Variants in FAM76A observed in about 807,000 individuals in gnomAD.
The protein encoded by FAM76A is protein FAM76A.
Under a neutral mutation model 46.2 loss-of-function variants are expected in FAM76A, and 32 were observed. The ratio of observed to expected loss-of-function variants is 0.69; its 90% CI spans 0.52 to 0.93. The LOEUF is 0.93. FAM76A is among the 40% of genes least tolerant of loss of function. FAM76A has a pLI of 0.00. For synonymous variants in FAM76A, 137 were observed against 127.0 expected (o/e 1.08, Z -0.53); for missense variants, 274 against 361.5 (o/e 0.76, Z 1.96).
At chr1:27,760,212 T>C (rs1040145369) in intron 8 of FAM76A, 1 of 372,206 alleles carries the variant, frequency 2.7e-6, no homozygotes, top group Admixed American at 3.8e-5. Flanking sequence ...ATTCTGTTTA[T>C]CCAGCTCATG....
At chr1:27,759,767 TTTTTTTTTTTTG>T in intron 8 of FAM76A, 140 bp downstream of exon 8, 1 of 367,188 alleles carries the variant, frequency 2.7e-6, no homozygotes, top group African/African-American at 2.7e-5. Flanking sequence ...CCCTTTTAGG[TTTTTTTTTTTTG>T]TTTTTTTTTT....
intron 2 of FAM76A, among the ~76,000 whole-genome samples, chr1:27,732,070 C>T (rs942659849): frequency 6.6e-6 from 1 of 152,098 alleles, no homozygotes; most frequent in Admixed American, 6.5e-5. Flanking sequence ...GATCCACCTC[C>T]CTCAGCCTCC....
At chr1:27,759,906 C>G in intron 8 of FAM76A, 1 of 519,764 alleles carries the variant, frequency 1.9e-6, no homozygotes, top group Admixed American at 2.3e-5. Context: ...TAGCGAAGAC[C>G]ACAGCCATAT....
chr1:27,741,341 A>T (rs954147898), intron 4 of FAM76A, among the ~76,000 whole-genome samples: 6 of 151,586 alleles, frequency 4.0e-5, no homozygotes, highest in African/African-American at 1.5e-4. Flanking sequence ...ATGTGCCACC[A>T]CGCCCAGCTA....
chr1:27,726,448 G>A (rs1026385049), intron 1 of FAM76A, among the ~76,000 whole-genome samples: 2 of 152,132 alleles, frequency 1.3e-5, no homozygotes, highest in Non-Finnish European at 2.9e-5. Flanking sequence ...TGCCCTGACT[G>A]GTCGCCTTCG....
intron 6 of FAM76A, among the ~76,000 whole-genome samples, chr1:27,750,715 C>T (rs1451318842): frequency 1.3e-5 from 2 of 152,206 alleles, no homozygotes; most frequent in African/African-American, 4.8e-5. Flanking sequence ...TGCCACTATT[C>T]TTGCTGTCCA....
At position 27,755,277 on chromosome 1, in the gene FAM76A, C is replaced by T; in HGVS notation, c.682C>T (p.Leu228=). 6.2e-7 allele frequency: 1 copy of T among 1,614,148 alleles called. No homozygotes were observed. The highest frequency in any genetic ancestry group is 8.5e-7 in the Non-Finnish European group (1 of 1,180,036). The stretch of plus-strand genomic sequence containing the variant: ...CCAACTGAAGGAAGAAGTGGCTACC[C>T]TGAAGAAGATGTTGCATCAAAAGGA... ...IAQLKEEVAT[L]KKMLHQKDQM... The change falls in exon 7 of 9, where the codon CTG becomes TTG. Residue 228 remains leucine, a synonymous_variant. Transcript: ENST00000373954.
Position 27,760,511 on chromosome 1 carries a change from T to C in FAM76A, c.854T>C (p.Leu285Pro). ...TEQLQAKNRE[L>P]LKQAAALSKS... is the part of the protein sequence containing the mutation. ...TTTCTTTAGGCCAAAAACCGAGAGCTCCTGAAGCAGGCAGCTGCTTTGTCC... is the reference window on the plus strand; with the variant it reads ...TTTCTTTAGGCCAAAAACCGAGAGCCCCTGAAGCAGGCAGCTGCTTTGTCC... The change falls in exon 9 of 9, where the codon CTC becomes CCC. Residue 285 changes from leucine (L) to proline (P), a missense_variant. By Grantham distance (98) the Leu-to-Pro change is moderately conservative. Coordinates refer to ENST00000373954, the MANE Select transcript of FAM76A (RefSeq NM_152660.3). 1 of 1,611,494 alleles carries C rather than the reference T, an allele frequency of 6.2e-7. No individual in the cohort carries two copies. The highest frequency in any genetic ancestry group is 8.5e-7 in the Non-Finnish European group (1 of 1,178,480).
chr1:27,726,162 G>T lies in FAM76A; in HGVS notation c.81+1G>T. The T allele has an allele frequency of 1.6e-6, 2 of 1,283,358 alleles. No individual in the cohort carries two copies. Among genetic ancestry groups the T allele is most frequent in the Non-Finnish European group, 2.0e-6 (2 of 1,013,890 alleles). The allele number at this position is 1,283,358 out of a possible 1,614,324, so 79.5% of individuals were successfully genotyped here. ...GTCTCAGGGGCAGCAGCTGTGCAAGGTGCGCGGGCTGGGGCGGCGGCCGGG... is the reference window on the plus strand; with the variant it reads ...GTCTCAGGGGCAGCAGCTGTGCAAGTTGCGCGGGCTGGGGCGGCGGCCGGG... On this transcript the variant is annotated splice_donor_variant, in intron 1 of 8. Coordinates refer to ENST00000373954, the MANE Select transcript of FAM76A (RefSeq NM_152660.3). LOFTEE classifies it high-confidence loss of function.
At chr1:27,734,374 C>T (rs1310415338) in intron 4 of FAM76A, among the ~76,000 whole-genome samples, 191 bp downstream of exon 4, 3 of 151,874 alleles carry the variant, frequency 2.0e-5, no homozygotes, top group Non-Finnish European at 4.4e-5. Context: ...GGTGAAACCG[C>T]GTCTCTACTA....
At chr1:27,745,518 C>CG (rs1177473612) in intron 5 of FAM76A, among the ~76,000 whole-genome samples, 2 of 152,178 alleles carry the variant, frequency 1.3e-5, no homozygotes, top group African/African-American at 4.8e-5. Flanking sequence ...AGTATTCTCA[C>CG]GGGTCAGGGA....
At chr1:27,732,554 A>G (rs1414372372) in intron 2 of FAM76A, 49 bp from the exon 3 acceptor site, 1 of 1,552,794 alleles carries the variant, frequency 6.4e-7, no homozygotes, top group Non-Finnish European at 8.9e-7. Flanking sequence ...AGGAGGTATC[A>G]GTTTTCAGAT....
In FAM76A at chr1:27,744,646, T is replaced by G. The variant is rs756515578; in HGVS notation, c.355-8T>G. 1 of 1,613,694 alleles carries G rather than the reference T, an allele frequency of 6.2e-7. No individual in the cohort carries two copies. Reference sequence around the variant, plus strand: ...CCTCTTCTTTATCTTTGTCTCCTTGTCTTTCAGGTAGATGGGAAATTGCTG... The same window carrying G: ...CCTCTTCTTTATCTTTGTCTCCTTGGCTTTCAGGTAGATGGGAAATTGCTG... On this transcript the variant is annotated splice_polypyrimidine_tract_variant and splice_region_variant and intron_variant, in intron 4 of 8. Transcript: ENST00000373954.
intron 4 of FAM76A, among the ~76,000 whole-genome samples, chr1:27,735,957 A>G (rs546710857): frequency 1.3e-5 from 2 of 152,178 alleles, no homozygotes; most frequent in Non-Finnish European, 2.9e-5. Flanking sequence ...ATCCTGTCTC[A>G]AGTATTTAGA....
chr1:27,738,250 A>G (rs2148572315), intron 4 of FAM76A, among the ~76,000 whole-genome samples: 1 of 152,122 alleles, frequency 6.6e-6, no homozygotes, highest in East Asian at 1.9e-4. Context: ...CCAGCACTTT[A>G]GAAGGCTGAG....
chr1:27,747,370 C>T (rs887039254), intron 5 of FAM76A, among the ~76,000 whole-genome samples: 3 of 152,096 alleles, frequency 2.0e-5, no homozygotes, highest in Non-Finnish European at 4.4e-5. Context: ...GATGACCAAA[C>T]GAGGAGAACA....
intron 4 of FAM76A, chr1:27,740,353 C>T (rs563871781): frequency 4.1e-5 from 43 of 1,057,566 alleles, no homozygotes; most frequent in South Asian, 2.4e-4. Flanking sequence ...CAAATAGATA[C>T]GGCCTTGGTT....
chr1:27,740,537 G>C lies in FAM76A; in HGVS notation c.355-4117G>C, dbSNP rs1394116142. The C allele has an allele frequency of 2.3e-6, 3 of 1,309,072 alleles. No homozygotes were observed. The East Asian group carries it at 7.1e-5, about 31-fold the overall frequency. 81.1% of individuals were successfully genotyped at this position (1,309,072 alleles called of 1,614,324 possible). On this transcript the variant is annotated intron_variant, in intron 4 of 8. Transcript: ENST00000373954. ...AGCTAACATGATTATGTCTGGAAGC[G>C]TTGTTATGAGGAGTGAGGACCCCAG...
intron 5 of FAM76A, 75 bp downstream of exon 5, chr1:27,744,886 A>AGTATGTAC: frequency 7.2e-7 from 1 of 1,392,016 alleles, no homozygotes; most frequent in Non-Finnish European, 1.0e-6. Context: ...CCATCATGGT[A>AGTATGTAC]CATACTACCA....
Sources: allele counts gnomAD v4.1 joint callset (sites outside exome capture counted in the v4.1 genomes callset), GRCh38; gene constraint gnomAD v4.1.1; transcripts MANE v1.5; gene names NCBI Gene and HGNC (gene_info 2026-07-23, HGNC 2026-07-21).